SEC61A1: variants seen among roughly 807,000 people sequenced by gnomAD.
SEC61A1 encodes protein transport protein Sec61 subunit alpha isoform 1.
A neutral mutation model predicts 55.2 loss-of-function variants in SEC61A1; 15 were observed. The observed-to-expected ratio is 0.27, with a 90% CI of 0.18 to 0.42. The LOEUF is 0.42. Ranked by LOEUF, SEC61A1 falls within the 10% of genes least tolerant of loss-of-function variation. SEC61A1 has a pLI of 1.00. For missense variants in SEC61A1, 284 were observed against 602.6 expected (o/e 0.47, Z 5.53); for synonymous variants, 247 against 234.0 (o/e 1.06, Z -0.51).
Position 128,056,689 on chromosome 3 carries a change from T to G in SEC61A1, c.221-20T>G, listed in dbSNP as rs750206429. 1 of 1,504,770 alleles carries G rather than the reference T, an allele frequency of 6.6e-7. No homozygotes were observed. The highest frequency in any genetic ancestry group is 1.4e-5 in the African/African-American group (1 of 71,434). The allele number at this position is 1,504,770 out of a possible 1,614,324, so 93.2% of individuals were successfully genotyped here. On this transcript the variant is annotated intron_variant, in intron 4 of 11. Coordinates refer to ENST00000243253, the MANE Select transcript of SEC61A1 (RefSeq NM_013336.4). ...GTTTCCAAGCTGATATTGACTGTTT[T>G]GCTTCCCCGTTTCCTCAAGGCACAT... is the stretch of plus-strand genomic sequence containing the variant.
chr3:128,068,413 T>C (rs1288470335), intron 11 of SEC61A1, among the ~76,000 whole-genome samples: 2 of 152,158 alleles, frequency 1.3e-5, no homozygotes, highest in African/African-American at 4.8e-5. Flanking sequence ...GAGAGCGCCC[T>C]GGAGGAGGGT....
intron 2 of SEC61A1, 52 bp downstream of exon 2, chr3:128,052,954 C>G: frequency 7.0e-7 from 1 of 1,427,210 alleles, no homozygotes; most frequent in African/African-American, 1.4e-5. Flanking sequence ...TGTCTGGACT[C>G]TGGAAGTTTA....
rs1321165214 is a variant in SEC61A1 at position 128,055,571 on chromosome 3, T to G, written c.131T>G (p.Val44Gly). ...WTAITLFIFL[V>G]CCQIPLFGIM... ...GCTATCACCCTCTTTATCTTCTTAG[T>G]GTGCTGCCAGGTAAGCTCAGGCTTG... The change falls in exon 3 of 12, where the codon GTG becomes GGG. Residue 44 changes from valine (V) to glycine (G), a missense_variant. Physicochemically the swap from Val to Gly is moderately radical, Grantham distance 109. Coordinates refer to ENST00000243253, the MANE Select transcript of SEC61A1 (RefSeq NM_013336.4). The G allele has an allele frequency of 6.2e-7, 1 of 1,613,616 alleles. No homozygotes were observed. The highest frequency in any genetic ancestry group is 2.2e-5 in the East Asian group (1 of 44,878).
chr3:128,067,333 A>G lies in SEC61A1; in HGVS notation c.976-88A>G, dbSNP rs1445236951. 1.3e-5 allele frequency: 18 copies of G among 1,423,854 alleles called. No individual in the cohort carries two copies. Among genetic ancestry groups the G allele is most frequent in the Admixed American group, 2.0e-5 (1 of 48,790 alleles). The allele number at this position is 1,423,854 out of a possible 1,614,324, so 88.2% of individuals were successfully genotyped here. ...TACTGTGGGCACCGAGTAAAATTGC[A>G]TTCTTTCATCTGCTCAGAACTATTT... On this transcript the variant is annotated intron_variant, in intron 9 of 11. Transcript: ENST00000243253. The surrounding 1 kb of genome is among the most constrained non-coding windows in gnomAD (Gnocchi z 4.1).
intron 8 of SEC61A1, among the ~76,000 whole-genome samples, chr3:128,065,949 A>C (rs1941965153): frequency 2.0e-5 from 3 of 151,906 alleles, no homozygotes; most frequent in East Asian, 3.9e-4. Flanking sequence ...TCACCGTGTT[A>C]GCCAGGATGG....
chr3:128,055,195 T>C (rs1237844531), intron 2 of SEC61A1, among the ~76,000 whole-genome samples: 4 of 152,322 alleles, frequency 2.6e-5, no homozygotes. Context: ...AAGCACAGTT[T>C]GGGACTCAAA....
Position 128,068,071 on chromosome 3 carries a change from C to A in SEC61A1, c.1244+12C>A. 1.2e-6 allele frequency: 2 copies of A among 1,608,854 alleles called. No individual in the cohort carries two copies. The highest frequency in any genetic ancestry group is 1.7e-6 in the Non-Finnish European group (2 of 1,175,634). On this transcript the variant is annotated intron_variant, in intron 11 of 11. Coordinates refer to ENST00000243253, the MANE Select transcript of SEC61A1 (RefSeq NM_013336.4). ...CATGAACTCAACCGGTGAGTGGTGG[C>A]CCCAGGTCCCCAACCTCCCGTCTGT...
At chr3:128,052,972 A>G in intron 2 of SEC61A1, 70 bp downstream of exon 2, 1 of 1,233,010 alleles carries the variant, frequency 8.1e-7, no homozygotes, top group Non-Finnish European at 1.2e-6. Flanking sequence ...TTACAGTATG[A>G]TTAAAAATGG....
chr3:128,066,929 G>T (rs1490938184), intron 8 of SEC61A1, 25 bp from the exon 9 acceptor site: 3 of 1,613,340 alleles, frequency 1.9e-6, no homozygotes, highest in South Asian at 1.1e-5. Flanking sequence ...CAGTGAAGGG[G>T]ATTTGGTTCT....
chr3:128,051,681 C>G (rs957243962), upstream of SEC61A1: 103 of 1,440,976 alleles, frequency 7.1e-5, no homozygotes, highest in Non-Finnish European at 8.8e-5. Context: ...TCTCCTCAAC[C>G]TGTTCCCTCA....
Position 128,070,304 on chromosome 3 carries a change from A to C in SEC61A1, c.*642A>C, listed in dbSNP as rs926285637. On this transcript the variant is annotated 3_prime_UTR_variant, in exon 12 of 12. Coordinates refer to ENST00000243253, the MANE Select transcript of SEC61A1 (RefSeq NM_013336.4). ...CATCTGTGGATTTGTCTGTGCACCT[A>C]TTGGCTCTTCTAGCTGACTCTTCTG... The C allele has an allele frequency of 6.6e-6, 1 of 152,150 alleles. No homozygotes were observed. Among genetic ancestry groups the C allele is most frequent in the African/African-American group, 2.4e-5 (1 of 41,406 alleles). 9.4% of individuals were successfully genotyped at this position (152,150 alleles called of 1,614,324 possible). A position where few individuals can be genotyped will look rare whatever the true frequency, so the allele number is the denominator to read the frequency against.
At chr3:128,056,927 TTTA>T in intron 5 of SEC61A1, 87 bp downstream of exon 5, 3 of 1,045,774 alleles carry the variant, frequency 2.9e-6, no homozygotes, top group Non-Finnish European at 2.5e-6. Flanking sequence ...TCTTTTTTTA[TTTA>T]TTTTTTATTT....
At position 128,069,790 on chromosome 3, in the gene SEC61A1, C is replaced by T. The variant is rs560436975; in HGVS notation, c.*128C>T. On this transcript the variant is annotated 3_prime_UTR_variant, in exon 12 of 12. Coordinates refer to ENST00000243253, the MANE Select transcript of SEC61A1 (RefSeq NM_013336.4). ...TTTTTGAATTTCGTATTCTTTCATT[C>T]CACTGTGTAAAGTGCTAGACATTTT... 4 of 858,202 alleles carry T rather than the reference C, an allele frequency of 4.7e-6. No individual in the cohort carries two copies. The highest frequency in any genetic ancestry group is 7.3e-6 in the Non-Finnish European group (4 of 551,482). 53.2% of individuals were successfully genotyped at this position (858,202 alleles called of 1,614,324 possible). A position where few individuals can be genotyped will look rare whatever the true frequency, so the allele number is the denominator to read the frequency against.
intron 1 of SEC61A1, 25 bp downstream of exon 1, chr3:128,052,584 T>C (rs371589983): frequency 4.6e-5 from 73 of 1,592,720 alleles, no homozygotes; most frequent in Non-Finnish European, 6.2e-5. Context: ...GAAGCCCTAT[T>C]GAGGCCGGGA....
chr3:128,059,356 C>G (rs1342378253), intron 5 of SEC61A1, among the ~76,000 whole-genome samples: 1 of 151,928 alleles, frequency 6.6e-6, no homozygotes, highest in African/African-American at 2.4e-5. Flanking sequence ...GCCTGTAATC[C>G]TAGCTACTCC....
intron 8 of SEC61A1, among the ~76,000 whole-genome samples, chr3:128,066,425 A>C (rs776296946): frequency 1.3e-5 from 2 of 150,300 alleles, no homozygotes; most frequent in Non-Finnish European, 3.0e-5. Flanking sequence ...GCTTGCTTCC[A>C]TGTTTTGTTT....
chr3:128,064,921 G>A lies in SEC61A1; in HGVS notation c.661G>A (p.Ala221Thr). The A allele has an allele frequency of 6.2e-7, 1 of 1,613,682 alleles. No individual in the cohort carries two copies. The highest frequency in any genetic ancestry group is 1.1e-5 in the South Asian group (1 of 91,018). ...TATCATCGCACTTTTCCATCTGCTG[G>A]CCACACGCACAGACAAGGTCCGAGC... ...GAIIALFHLL[A>T]TRTDKVRALR... The change falls in exon 8 of 12, where the codon GCC (alanine) becomes ACC (threonine). Residue 221 changes from alanine to threonine, a missense_variant. Transcript: ENST00000243253.
intron 7 of SEC61A1, among the ~76,000 whole-genome samples, chr3:128,062,766 C>G (rs1260492743): frequency 1.3e-5 from 2 of 152,174 alleles, no homozygotes; most frequent in African/African-American, 4.8e-5. Context: ...GATTCACTTG[C>G]TTTTTAGTCA....
intron 7 of SEC61A1, 21 bp from the exon 8 acceptor site, chr3:128,064,856 T>A: frequency 5.7e-6 from 9 of 1,568,498 alleles, no homozygotes; most frequent in Non-Finnish European, 6.9e-6. Flanking sequence ...CCTTCATATA[T>A]GTCTCCTCCT....
Sources: gnomAD v4.1 joint callset for allele counts (sites outside exome capture counted in the v4.1 genomes callset) on GRCh38, gnomAD v4.1.1 for gene constraint, Gnocchi (gnomAD v3.1) non-coding constraint, MANE v1.5 for transcripts, NCBI Gene and HGNC (gene_info 2026-07-23, HGNC 2026-07-21) for gene names.